Variants in BFSP1 observed in about 807,000 individuals in gnomAD.
BFSP1 encodes filensin.
BFSP1 carries 38 observed loss-of-function variants against 43.9 expected under a neutral mutation model. The ratio of observed to expected loss-of-function variants is 0.87; its 90% CI spans 0.67 to 1.14. The LOEUF (loss-of-function observed/expected upper bound fraction) is 1.14, where lower values mean the gene tolerates loss of function less well. BFSP1 is among the 50% of genes most tolerant of loss of function. The probability of loss-of-function intolerance (pLI) is 0.00; values close to 1 mark genes in which losing one functional copy is unlikely to be tolerated. For synonymous variants in BFSP1, 352 were observed against 354.8 expected, an observed-to-expected ratio of 0.99 and a Z score of 0.09; for missense variants, 850 against 875.1, an observed-to-expected ratio of 0.97 and a Z score of 0.36.
chr20:17,547,736 T>C (rs1364426344), intron 1 of BFSP1, among the ~76,000 whole-genome samples: 2 of 143,982 alleles, frequency 1.4e-5, no homozygotes, highest in Admixed American at 6.8e-5. Context: ...TTTTCTTTCT[T>C]TTTTTTTTTT....
upstream of BFSP1, among the ~76,000 whole-genome samples, chr20:17,535,598 AT>A (rs1477819160): frequency 1.3e-5 from 2 of 152,226 alleles, no homozygotes; most frequent in Non-Finnish European, 2.9e-5. Context: ...TTATTCTCAA[AT>A]GATTCTGAAT....
At chr20:17,496,844 T>C in intron 7 of BFSP1, 94 bp downstream of exon 7, 1 of 1,140,722 alleles carries the variant, frequency 8.8e-7, no homozygotes, top group East Asian at 2.9e-5. Context: ...TCCAGATGGA[T>C]CTGAAGCAAG....
At chr20:17,509,039 G>C in intron 4 of BFSP1, 43 bp from the exon 5 acceptor site, 5 of 1,435,096 alleles carry the variant, frequency 3.5e-6, no homozygotes, top group Non-Finnish European at 4.6e-6. Context: ...GACATGCAGA[G>C]AGGAAAAGGG....
Position 17,531,204 on chromosome 20 carries a change from C to A in BFSP1, c.126G>T (p.Ala42=). The A allele has an allele frequency of 7.6e-7, 1 of 1,317,018 alleles. No individual in the cohort carries two copies. The highest frequency in any genetic ancestry group is 9.7e-7 in the Non-Finnish European group (1 of 1,034,280). The allele number at this position is 1,317,018 out of a possible 1,614,324, so 81.6% of individuals were successfully genotyped here. The stretch of plus-strand genomic sequence containing the variant: ...CGCGCTCGCCGAGCCCCTGCAGCGC[C>A]GCCAGGCTCGTTGCCCCAGCCCAGC... ...DEGWAGATSL[A]ALQGLGERVA... Residue 42 remains alanine (A), a synonymous_variant, in exon 1 of 8, where the codon GCG becomes GCT. Transcript: ENST00000377873.
intron 1 of BFSP1, among the ~76,000 whole-genome samples, chr20:17,556,871 T>G (rs2035000818): frequency 6.6e-6 from 1 of 152,216 alleles, no homozygotes; most frequent in African/African-American, 2.4e-5. Flanking sequence ...CTGATAAATC[T>G]GTATTTTTTT....
intron 1 of BFSP1, among the ~76,000 whole-genome samples, chr20:17,567,822 T>C (rs563980773): frequency 6.7e-6 from 1 of 150,236 alleles, no homozygotes; most frequent in Non-Finnish European, 1.5e-5. Flanking sequence ...GATCGCACCA[T>C]TGCACTACAG....
upstream of BFSP1, among the ~76,000 whole-genome samples, chr20:17,535,979 G>A (rs2034623527): frequency 6.6e-6 from 1 of 151,898 alleles, no homozygotes; most frequent in Non-Finnish European, 1.5e-5. Context: ...GTCTTGCTAT[G>A]TTACCCACAC....
At chr20:17,516,336 T>A (rs1376461523) in intron 2 of BFSP1, among the ~76,000 whole-genome samples, 1 of 152,002 alleles carries the variant, frequency 6.6e-6, no homozygotes. Context: ...TCAAAAAAAA[T>A]TAATTAATTA....
At chr20:17,559,351 C>A (rs769187093), upstream of BFSP1, among the ~76,000 whole-genome samples, 3 of 152,198 alleles carry the variant, frequency 2.0e-5, no homozygotes, top group Non-Finnish European at 4.4e-5. Flanking sequence ...ATTACTAGAA[C>A]AGGATACTTC....
rs1270549692 is a variant in BFSP1, at chr20:17,499,011, A to C, written c.765T>G (p.Ser255Arg). 2 of 1,614,046 alleles carry C rather than the reference A, an allele frequency of 1.2e-6. No homozygotes were observed. Among genetic ancestry groups the C allele is most frequent in the Middle Eastern group, 1.6e-4 (1 of 6,084 alleles). Residue 255 changes from serine (S) to arginine (R), a missense_variant, in exon 6 of 8, where the codon AGT becomes AGG. Ser to Arg is a moderately radical substitution (Grantham distance 110). Coordinates refer to ENST00000377873, the MANE Select transcript of BFSP1 (RefSeq NM_001195.5). ...TCTCATCGTCATAACACTCATGGGC[A>C]CTTTTAATAGCTTGTTCCAGAGTTG... ...QTTTLEQAIK[S>R]AHECYDDEIQ... is the part of the protein sequence containing the mutation.
chr20:17,557,447 T>C (rs1355256869), intron 1 of BFSP1, among the ~76,000 whole-genome samples: 2 of 152,252 alleles, frequency 1.3e-5, no homozygotes, highest in East Asian at 3.9e-4. Context: ...CAGAATGGCT[T>C]TAGCTTTCTC....
chr20:17,546,425 G>A (rs534601553), intron 1 of BFSP1, among the ~76,000 whole-genome samples: 177 of 152,342 alleles, frequency 1.2e-3, no homozygotes, highest in Middle Eastern at 6.8e-3. Context: ...TTGGGGCTGG[G>A]CGAAGTGGCT....
intron 2 of BFSP1, among the ~76,000 whole-genome samples, chr20:17,521,489 A>G (rs961121452): frequency 2.0e-5 from 3 of 152,236 alleles, no homozygotes; most frequent in African/African-American, 7.2e-5. Context: ...AGTCAGACCA[A>G]AGGAAATGGC....
chr20:17,531,723 G>A (rs1362875856), upstream of BFSP1, among the ~76,000 whole-genome samples: 5 of 152,200 alleles, frequency 3.3e-5, no homozygotes, highest in Non-Finnish European at 7.4e-5. Flanking sequence ...ACTAGCTCAA[G>A]AGCCCAGGGC....
rs2034944119 is a variant in BFSP1 at position 17,553,850 on chromosome 20, CATATATATACACATATATAT to C, written c.2+4818_2+4837del. Among the ~76,000 whole-genome samples the C allele has an allele frequency of 2.8e-4, 22 of 77,290 alleles. 1 individual carries two copies. The highest frequency in any genetic ancestry group is 1.2e-3 in the African/African-American group (20 of 17,222). The allele number at this position is 77,290 out of a possible 152,430, so 50.7% of individuals were successfully genotyped here. A position where few individuals can be genotyped will look rare whatever the true frequency, so the allele number is the denominator to read the frequency against. ...ATATATATATATACACATATATATA[CATATATATACACATATATAT>C]ACATATATATATATACACACATATA... On this transcript the variant is annotated intron_variant, in intron 1 of 7. Transcript: ENST00000377868.
rs555898420 is a variant in BFSP1 at position 17,557,460 on chromosome 20, C to A, written c.2+1228G>T. On this transcript the variant is annotated intron_variant, in intron 1 of 7. Coordinates refer to the BFSP1 transcript ENST00000377868. ...TACAGAATGGCTTTAGCTTTCTCTG[C>A]CCCCCTATGTCCCCTACAACGTATT... 3.3e-5 allele frequency among the ~76,000 whole-genome samples: 5 copies of A among 152,230 alleles called. No individual in the cohort carries two copies. The South Asian group carries it at 1.0e-3, about 32-fold the overall frequency.
intron 6 of BFSP1, among the ~76,000 whole-genome samples, chr20:17,497,569 T>C (rs1300935130): frequency 7.6e-5 from 2 of 26,488 alleles, no homozygotes; most frequent in Non-Finnish European, 1.2e-4. Context: ...TGTGTGTGTA[T>C]ATGTATATAT....
intron 1 of BFSP1, among the ~76,000 whole-genome samples, chr20:17,557,931 T>C (rs2035020465): frequency 2.0e-5 from 3 of 152,196 alleles, no homozygotes. Context: ...TATATTTTCT[T>C]TAGAAACTAA....
intron 1 of BFSP1, among the ~76,000 whole-genome samples, chr20:17,546,630 A>T (rs1480386469): frequency 6.6e-6 from 1 of 151,890 alleles, no homozygotes; most frequent in East Asian, 1.9e-4. Flanking sequence ...TGAACCCGGG[A>T]GGTGGAGGTT....
Sources: allele counts gnomAD v4.1 joint callset (sites outside exome capture counted in the v4.1 genomes callset), GRCh38; gene constraint gnomAD v4.1.1; transcripts MANE v1.5; gene names NCBI Gene and HGNC (gene_info 2026-07-23, HGNC 2026-07-21).